The following WFS1 variants were observed in gnomAD, a reference collection of about 807,000 sequenced individuals.
WFS1 encodes wolframin ER transmembrane glycoprotein, also known as wolframin.
A neutral mutation model predicts 68.5 loss-of-function variants in WFS1; 90 were observed. The ratio of observed to expected loss-of-function variants is 1.31; its 90% CI spans 1.11 to 1.56. WFS1 has a LOEUF of 1.56. Ranked by LOEUF, WFS1 falls within the 40% of genes most tolerant of loss-of-function variation. The pLI, the probability that WFS1 is intolerant of heterozygous loss-of-function variation, is 0.00. For synonymous variants in WFS1, 860 were observed against 540.7 expected, an observed-to-expected ratio of 1.59 and a Z score of -8.19; for missense variants, 1,767 against 1,232.6, an observed-to-expected ratio of 1.43 and a Z score of -6.49.
intron 6 of WFS1, among the ~76,000 whole-genome samples, chr4:6,293,695 C>G (rs972040204): frequency 1.3e-5 from 2 of 152,202 alleles, no homozygotes; most frequent in African/African-American, 4.8e-5. Context: ...TCCTGTCTCT[C>G]AGGACAGGAC....
At position 6,301,794 on chromosome 4, in the gene WFS1, C is replaced by T. The variant is rs771409809; in HGVS notation, c.1999C>T (p.Gln667Ter). 1.1e-5 allele frequency: 18 copies of T among 1,613,298 alleles called. No individual in the cohort carries two copies. The East Asian group carries it at 2.2e-4, about 20-fold the overall frequency. Residue 667 changes from glutamine (Q) to a stop codon, truncating the protein, a stop_gained, in exon 8 of 8, where the codon CAG becomes TAG. Coordinates refer to ENST00000226760, the MANE Select transcript of WFS1 (RefSeq NM_006005.3). LOFTEE classifies it high-confidence loss of function. ...MKVYNSTLTW[Q>*]QYGALCGPRA... ...GGTCTACAACTCCACACTGACCTGGCAGCAGTATGGTGCGCTGTGCGGGCC... is the reference window on the plus strand; with the variant it reads ...GGTCTACAACTCCACACTGACCTGGTAGCAGTATGGTGCGCTGTGCGGGCC...
chr4:6,287,136 G>A lies in WFS1; in HGVS notation c.276G>A (p.Leu92=), dbSNP rs377328309. 2.1e-5 allele frequency: 33 copies of A among 1,561,388 alleles called. 1 individual carries two copies. In the South Asian group the frequency reaches 2.8e-4, roughly 13 times the overall value. Residue 92 remains leucine (L), a synonymous_variant, in exon 3 of 8, where the codon CTG becomes CTA. Coordinates refer to ENST00000226760, the MANE Select transcript of WFS1 (RefSeq NM_006005.3). This position sits in a 1 kb window ranked among gnomAD's most constrained non-coding sequence, Gnocchi z 6.4. ...GDMEIPFEEV[L]ERAKAGDPKA... ...TGGAAATCCCCTTTGAAGAAGTCCTGGAGAGGGCCAAGGCCGGGGACCCCA... is the reference window on the plus strand; with the variant it reads ...TGGAAATCCCCTTTGAAGAAGTCCTAGAGAGGGCCAAGGCCGGGGACCCCA...
rs140213376 is a variant in WFS1 at position 6,301,695 on chromosome 4, A to C, written c.1900A>C (p.Lys634Gln). The C allele has an allele frequency of 4.3e-6, 7 of 1,613,972 alleles. No homozygotes were observed. The highest frequency in any genetic ancestry group is 2.7e-5 in the African/African-American group (2 of 74,944). Residue 634 changes from lysine (K) to glutamine (Q), a missense_variant, in exon 8 of 8, where the codon AAG becomes CAG. Lys to Gln is a moderately conservative substitution (Grantham distance 53, BLOSUM62 1). Transcript: ENST00000226760. ...VKSLTRSSMVKLILVWLTAIV... is the reference protein window; with the variant it reads ...VKSLTRSSMVQLILVWLTAIV... ...GTCCCTGACGCGGAGCTCCATGGTC[A>C]AGCTCATCCTGGTGTGGCTCACGGC...
chr4:6,285,132 G>A (rs976625387), intron 2 of WFS1, among the ~76,000 whole-genome samples: 1 of 151,992 alleles, frequency 6.6e-6, no homozygotes, highest in African/African-American at 2.4e-5. Flanking sequence ...CAAGGAAGCT[G>A]AGCCCGAAAC....
At chr4:6,275,185 A>G (rs1398741997) in intron 1 of WFS1, among the ~76,000 whole-genome samples, 1 of 152,254 alleles carries the variant, frequency 6.6e-6, no homozygotes, top group African/African-American at 2.4e-5. Flanking sequence ...GGCGTAGGTC[A>G]GCCCTCAGTA....
intron 6 of WFS1, among the ~76,000 whole-genome samples, chr4:6,292,856 T>C (rs139915489): frequency 1.3e-5 from 2 of 152,274 alleles, no homozygotes; most frequent in South Asian, 2.1e-4. Context: ...GAAGCCTCTG[T>C]GGCATGTAGG....
At chr4:6,300,076 T>C (rs1176135780) in intron 7 of WFS1, among the ~76,000 whole-genome samples, 1 of 152,056 alleles carries the variant, frequency 6.6e-6, no homozygotes, top group African/African-American at 2.4e-5. Context: ...AACGGTATTT[T>C]TGCTGGGAGA....
In WFS1 at chr4:6,277,542, C is replaced by T; in HGVS notation, c.87C>T (p.Ala29=). The change falls in exon 2 of 8, where the codon GCC becomes GCT. Residue 29 remains alanine (A), a synonymous_variant. Coordinates refer to ENST00000226760, the MANE Select transcript of WFS1 (RefSeq NM_006005.3). ...CCCAGGCGCGTTCCCGACTCAATGC[C>T]ACAGCCTCGTTGGAGCAGGAGAGGA... ...PQPQARSRLN[A]TASLEQERSE... is the part of the protein sequence containing the mutation. 1.9e-6 allele frequency: 3 copies of T among 1,589,638 alleles called. No homozygotes were observed. The highest frequency in any genetic ancestry group is 1.1e-5 in the South Asian group (1 of 87,088).
At chr4:6,284,910 G>A (rs948361356) in intron 2 of WFS1, among the ~76,000 whole-genome samples, 15 of 150,800 alleles carry the variant, frequency 9.9e-5, no homozygotes, top group Non-Finnish European at 1.6e-4. Context: ...CTCTGTGTCT[G>A]CAGTTCCTCT....
intron 1 of WFS1, among the ~76,000 whole-genome samples, chr4:6,271,551 G>A (rs916020846): frequency 1.3e-5 from 2 of 152,254 alleles, no homozygotes; most frequent in East Asian, 1.9e-4. Context: ...ATGCCTACAC[G>A]GCTCCCCTCC....
At chr4:6,270,339 T>TCCCCGCG (rs1336162792) in intron 1 of WFS1, among the ~76,000 whole-genome samples, 8 of 146,274 alleles carry the variant, frequency 5.5e-5, no homozygotes, top group African/African-American at 7.5e-5. Flanking sequence ...GCAGGCCCCC[T>TCCCCGCG]CCCCGCGCCC....
At chr4:6,286,291 A>C (rs1730306482) in intron 2 of WFS1, among the ~76,000 whole-genome samples, 2 of 152,156 alleles carry the variant, frequency 1.3e-5, no homozygotes, top group South Asian at 4.1e-4. Flanking sequence ...GAGGTGATGA[A>C]TCATGAGCGA....
At chr4:6,294,835 G>A (rs1730580198) in intron 6 of WFS1, 12 of 706,458 alleles carry the variant, frequency 1.7e-5, no homozygotes, top group South Asian at 8.7e-5. Context: ...AGTGGAGGCT[G>A]GCACTTGGCA....
intron 7 of WFS1, among the ~76,000 whole-genome samples, chr4:6,300,149 A>G (rs1239227685): frequency 6.6e-6 from 1 of 151,914 alleles, no homozygotes; most frequent in Non-Finnish European, 1.5e-5. Flanking sequence ...TTGCTCTGCC[A>G]CCCCTCCGGG....
chr4:6,273,795 A>C (rs552302703), intron 1 of WFS1, among the ~76,000 whole-genome samples: 2 of 152,202 alleles, frequency 1.3e-5, no homozygotes, highest in Non-Finnish European at 2.9e-5. Context: ...TTTTGAAATA[A>C]CAAGCCCTTT....
At chr4:6,295,333 G>C (rs1391874055) in intron 7 of WFS1, 144 bp downstream of exon 7, 5 of 986,614 alleles carry the variant, frequency 5.1e-6, no homozygotes, top group Non-Finnish European at 6.1e-6. Context: ...GGTACCTTTG[G>C]GTCATCATCT....
Position 6,291,320 on chromosome 4 carries a change from T to C in WFS1, c.584T>C (p.Val195Ala). The change falls in exon 5 of 8, where the codon GTG becomes GCG. Residue 195 changes from valine (V) to alanine (A), a missense_variant. Val to Ala is a moderately conservative substitution (Grantham distance 64). Transcript: ENST00000226760. ...CTCAACCCCAAGAAGAAGAAGCAGG[T>C]GGCCGTGGCGGAGCTGCTGGAGAAT... ...WKLNPKKKKQ[V>A]AVAELLENVG... The C allele has an allele frequency of 6.2e-7, 1 of 1,613,144 alleles. No homozygotes were observed. Among genetic ancestry groups the C allele is most frequent in the Non-Finnish European group, 8.5e-7 (1 of 1,179,978 alleles).
chr4:6,302,483 G>A lies in WFS1; in HGVS notation c.*15G>A, dbSNP rs762830359. 9 of 1,611,784 alleles carry A rather than the reference G, an allele frequency of 5.6e-6. No homozygotes were observed. In the Admixed American group the frequency reaches 1.2e-4, roughly 21 times the overall value. Reference sequence around the variant, plus strand: ...CGGCGGCCTGAGGATGGTCCGCCACGAGGAGCTTCCAGTGCATGTTGCCAT... The same window carrying A: ...CGGCGGCCTGAGGATGGTCCGCCACAAGGAGCTTCCAGTGCATGTTGCCAT... On this transcript the variant is annotated 3_prime_UTR_variant, in exon 8 of 8. Coordinates refer to ENST00000226760, the MANE Select transcript of WFS1 (RefSeq NM_006005.3).
rs138669400 is a variant in WFS1 at position 6,302,330 on chromosome 4, C to T, written c.2535C>T (p.Ile845=). 6.8e-6 allele frequency: 11 copies of T among 1,612,422 alleles called. No individual in the cohort carries two copies. The highest frequency in any genetic ancestry group is 9.3e-6 in the Non-Finnish European group (11 of 1,179,840). ...GGCCTGTCTTCGAGCTCAAGGCCAT[C>T]AGCTGCCTCAACTGCATGGCCCAGC... ...SKWPVFELKA[I]SCLNCMAQLS... is the part of the protein sequence containing the mutation. Residue 845 remains isoleucine (I), a synonymous_variant, in exon 8 of 8, where the codon ATC becomes ATT. Coordinates refer to ENST00000226760, the MANE Select transcript of WFS1 (RefSeq NM_006005.3).
Sources: allele counts gnomAD v4.1 joint callset (sites outside exome capture counted in the v4.1 genomes callset), GRCh38; gene constraint gnomAD v4.1.1; non-coding constraint Gnocchi (gnomAD v3.1); transcripts MANE v1.5; gene names NCBI Gene and HGNC (gene_info 2026-07-23, HGNC 2026-07-21).